The following NAXD variants were observed in gnomAD, a reference collection of about 807,000 sequenced individuals.
NAXD encodes NAD(P)HX dehydratase, also known as ATP-dependent (S)-NAD(P)H-hydrate dehydratase.
Under a neutral mutation model 35.8 loss-of-function variants are expected in NAXD, and 22 were observed. The observed-to-expected ratio is 0.62, with a 90% CI of 0.44 to 0.88. NAXD has a LOEUF of 0.88. Among genes scored for constraint, NAXD ranks in the 40% least tolerant of loss-of-function variants. The pLI is 0.00. For synonymous variants in NAXD, 189 were observed against 177.6 expected (o/e 1.06, Z -0.51); for missense variants, 428 against 437.7 (o/e 0.98, Z 0.20).
At chr13:110,623,216 T>G (rs559631626) in intron 2 of NAXD, among the ~76,000 whole-genome samples, 5 of 152,256 alleles carry the variant, frequency 3.3e-5, no homozygotes, top group Admixed American at 3.3e-4. Flanking sequence ...TACTGTCTTT[T>G]GCATTTACAA....
At position 110,638,422 on chromosome 13, in the gene NAXD, C is replaced by T. The variant is rs1200545853; in HGVS notation, c.884C>T (p.Thr295Ile). 6.8e-6 allele frequency: 11 copies of T among 1,613,540 alleles called. No homozygotes were observed. The highest frequency in any genetic ancestry group is 3.3e-5 in the Admixed American group (2 of 60,004). Residue 295 changes from threonine (T) to isoleucine (I), a missense_variant, in exon 10 of 10, where the codon ACC becomes ATC. By Grantham distance (89) the Thr-to-Ile change is moderately conservative. This residue lies in a region of NAXD where 209 missense variants were observed against 214.6 expected (regional missense o/e 0.97). Coordinates refer to ENST00000680254, the MANE Select transcript of NAXD (RefSeq NM_001242882.2). The surrounding 1 kb of genome is among the most constrained non-coding windows in gnomAD (Gnocchi z 5.4). The part of the protein sequence containing the change: ...LVAAFGACSL[T>I]RQCNHQAFQK... ...GCCGCGTTTGGCGCCTGCTCTCTCA[C>T]CAGGCAGTGCAACCACCAAGCCTTC...
At chr13:110,629,054 T>TCAGGTCATCTAGC (rs1447481944) in intron 5 of NAXD, among the ~76,000 whole-genome samples, 1 of 152,204 alleles carries the variant, frequency 6.6e-6, no homozygotes, top group African/African-American at 2.4e-5. Context: ...TTGAGAGCCC[T>TCAGGTCATCTAGC]CAGGTCATCT....
intron 2 of NAXD, among the ~76,000 whole-genome samples, chr13:110,623,245 G>T (rs891591132): frequency 2.0e-5 from 3 of 152,196 alleles, no homozygotes; most frequent in Non-Finnish European, 4.4e-5. Context: ...ACACCGCTTT[G>T]CAGGAGAAGG....
intron 1 of NAXD, among the ~76,000 whole-genome samples, chr13:110,618,155 G>A (rs974963831): frequency 2.6e-5 from 4 of 152,260 alleles, no homozygotes; most frequent in Admixed American, 1.3e-4. Context: ...TTAAAATTAT[G>A]TAGCAAAAAA....
At position 110,620,320 on chromosome 13, in the gene NAXD, A is replaced by G. The variant is rs143598054; in HGVS notation, c.47-1896A>G. On this transcript the variant is annotated intron_variant, in intron 1 of 9. Coordinates refer to ENST00000680254, the MANE Select transcript of NAXD (RefSeq NM_001242882.2). Reference sequence around the variant, plus strand: ...GGTTGGGCTGAGCGCGGTGGCTCACACCTGTAATCCTAGCACTTTGGGAGG... The same window carrying G: ...GGTTGGGCTGAGCGCGGTGGCTCACGCCTGTAATCCTAGCACTTTGGGAGG... 5.5e-3 allele frequency among the ~76,000 whole-genome samples: 832 copies of G among 150,700 alleles called. 12 individuals carry two copies. The highest frequency in any genetic ancestry group is 0.019 in the African/African-American group (784 of 41,160).
chr13:110,632,090 A>G (rs1296755339), intron 5 of NAXD, among the ~76,000 whole-genome samples: 3 of 139,170 alleles, frequency 2.2e-5, no homozygotes, highest in South Asian at 4.5e-4. Flanking sequence ...ACAGCTCTTA[A>G]GGTGGCGCGT....
At chr13:110,635,651 G>A in intron 8 of NAXD, 63 bp downstream of exon 8, 2 of 1,588,826 alleles carry the variant, frequency 1.3e-6, no homozygotes, top group East Asian at 2.2e-5. Flanking sequence ...GCCACACCGA[G>A]CATGAGCCCT....
Position 110,615,613 on chromosome 13 carries a change from T to G in NAXD, c.12T>G (p.Gly4=). The G allele has an allele frequency of 6.9e-7, 1 of 1,454,954 alleles. No individual in the cohort carries two copies. The highest frequency in any genetic ancestry group is 9.0e-7 in the Non-Finnish European group (1 of 1,107,390). 90.1% of individuals were successfully genotyped at this position (1,454,954 alleles called of 1,614,324 possible). ...CGGAATGCTGCCCGATGGCCCTGGG[T>G]CCTCGCTGTGGGGCAATCCGGGCTT... is the stretch of plus-strand genomic sequence containing the variant. MAL[G]PRCGAIRACR... Residue 4 remains glycine, a synonymous_variant, in exon 1 of 10, where the codon GGT becomes GGG. Transcript: ENST00000680254.
intron 1 of NAXD, among the ~76,000 whole-genome samples, chr13:110,618,897 C>T (rs992776665): frequency 2.0e-5 from 3 of 152,216 alleles, no homozygotes; most frequent in African/African-American, 4.8e-5. Flanking sequence ...CAGAGTGTGA[C>T]GCAGAAGGGA....
chr13:110,618,318 A>G (rs941144363), intron 1 of NAXD, among the ~76,000 whole-genome samples: 1 of 152,160 alleles, frequency 6.6e-6, no homozygotes, highest in East Asian at 1.9e-4. Flanking sequence ...CGGTAGCATC[A>G]TGGCCAGGGA....
In NAXD at chr13:110,638,860, C is replaced by T; in HGVS notation, c.*332C>T. 1 of 430,796 alleles carries T rather than the reference C, an allele frequency of 2.3e-6. No homozygotes were observed. The highest frequency in any genetic ancestry group is 2.0e-5 in the South Asian group (1 of 50,612). 26.7% of individuals were successfully genotyped at this position (430,796 alleles called of 1,614,324 possible). On this transcript the variant is annotated 3_prime_UTR_variant, in exon 10 of 10. Transcript: ENST00000680254. The surrounding 1 kb of genome is among the most constrained non-coding windows in gnomAD (Gnocchi z 5.4). ...GCTCAACAGAGTTTCTCGGCCTGCT[C>T]CCAGATCGGCGAAGTTTCTACTTGT...
intron 5 of NAXD, 85 bp downstream of exon 5, chr13:110,627,632 G>C: frequency 1.1e-6 from 1 of 925,546 alleles, no homozygotes; most frequent in Non-Finnish European, 1.8e-6. Context: ...CTTGCATTTT[G>C]TGTAGTGTTC....
chr13:110,615,837 G>A (rs1345109286), intron 1 of NAXD, 190 bp downstream of exon 1: 5 of 1,247,324 alleles, frequency 4.0e-6, no homozygotes, highest in Non-Finnish European at 4.1e-6. Context: ...GGGGCAGCCC[G>A]CGCGCGGGGC....
At chr13:110,626,298 C>G (rs978147729) in intron 4 of NAXD, among the ~76,000 whole-genome samples, 1 of 151,882 alleles carries the variant, frequency 6.6e-6, no homozygotes, top group African/African-American at 2.4e-5. Context: ...TGGAATTTGC[C>G]GACAGATTGG....
intron 3 of NAXD, 21 bp from the exon 4 acceptor site, chr13:110,625,169 C>T: frequency 6.3e-7 from 1 of 1,599,540 alleles, no homozygotes. Context: ...CCTGAGTCGG[C>T]CTCTTGTGCT....
At chr13:110,626,074 A>G (rs182334055) in intron 4 of NAXD, among the ~76,000 whole-genome samples, 192 of 152,200 alleles carry the variant, frequency 1.3e-3, no homozygotes, top group African/African-American at 4.5e-3. Context: ...TCGGGTGACC[A>G]AGAGGTGCAG....
rs1455547434 is a variant in NAXD, at chr13:110,634,687, GT to G, written c.509del (p.Val170AlafsTer45). ...TTCTGTGCAGGATGGCCTGTGGCTG[GT>G]CGCTCAGCAGCCGGCCCTCATCCAT... is the stretch of plus-strand genomic sequence containing the variant. Reference protein sequence around the residue: ...VVIDADGLWLVAQQPALIHGY... With the variant: ...VVIDADGLWLXAQQPALIHGY... On this transcript the variant is annotated frameshift_variant, in exon 7 of 10. Transcript: ENST00000680254. LOFTEE classifies it high-confidence loss of function. 6.2e-6 allele frequency: 10 copies of G among 1,614,198 alleles called. No individual in the cohort carries two copies. The highest frequency in any genetic ancestry group is 8.5e-6 in the Non-Finnish European group (10 of 1,180,028).
At chr13:110,635,725 G>A (rs889704093) in intron 8 of NAXD, 137 bp downstream of exon 8, 13 of 1,005,118 alleles carry the variant, frequency 1.3e-5, no homozygotes, top group East Asian at 2.6e-5. Context: ...TGATGAGCTC[G>A]TCAACCACAC....
chr13:110,625,336 G>A, intron 4 of NAXD, 58 bp downstream of exon 4: 1 of 1,215,164 alleles, frequency 8.2e-7, no homozygotes, highest in Non-Finnish European at 1.2e-6. Flanking sequence ...ATCATTTGGG[G>A]TTTTGGCACT....
Sources: gnomAD v4.1 joint callset for allele counts (sites outside exome capture counted in the v4.1 genomes callset) on GRCh38, gnomAD v4.1.1 for gene constraint, gnomAD v4.1.1 regional missense constraint, Gnocchi (gnomAD v3.1) non-coding constraint, MANE v1.5 for transcripts, NCBI Gene and HGNC (gene_info 2026-07-23, HGNC 2026-07-21) for gene names.